The following ARHGAP24 variants were observed in gnomAD, a reference collection of about 807,000 sequenced individuals.
The protein encoded by ARHGAP24 is rho GTPase-activating protein 24.
A neutral mutation model predicts 76.4 loss-of-function variants in ARHGAP24; 50 were observed. That is an observed-to-expected ratio of 0.65 (90% CI 0.52 to 0.83). The LOEUF is 0.83. Ranked by LOEUF, ARHGAP24 falls within the 40% of genes least tolerant of loss-of-function variation. The pLI, the probability that ARHGAP24 is intolerant of heterozygous loss-of-function variation, is 0.00. For missense variants in ARHGAP24, 930 were observed against 914.2 expected, an observed-to-expected ratio of 1.02 and a Z score of -0.22; for synonymous variants, 345 against 323.3, an observed-to-expected ratio of 1.07 and a Z score of -0.72.
intron 5 of ARHGAP24, among the ~76,000 whole-genome samples, chr4:85,954,614 GC>G (rs1578428022): frequency 6.6e-6 from 1 of 152,196 alleles, no homozygotes; most frequent in African/African-American, 2.4e-5. Flanking sequence ...GAAGATCCTT[GC>G]TTGTTTTAAT....
chr4:85,642,665 C>T (rs543903760), intron 2 of ARHGAP24, among the ~76,000 whole-genome samples: 2 of 151,588 alleles, frequency 1.3e-5, no homozygotes, highest in South Asian at 4.1e-4. Context: ...ATTTCTTACA[C>T]TTCTACTGCT....
rs766242939 is a variant in ARHGAP24 at position 85,995,502 on chromosome 4, G to A, written c.1848G>A (p.Val616=). Residue 616 remains valine, a synonymous_variant, in exon 9 of 10, where the codon GTG becomes GTA. Coordinates refer to ENST00000395184, the MANE Select transcript of ARHGAP24 (RefSeq NM_001025616.3). The stretch of plus-strand genomic sequence containing the variant: ...AAAGCAAAAGTGACCACAGGAGTGT[G>A]GGAGGTCGAAGTAGTCGTGCCACCA... ...DYESKSDHRS[V]GGRSSRATSS... is the part of the protein sequence containing the mutation. 2.5e-6 allele frequency: 4 copies of A among 1,602,870 alleles called. No homozygotes were observed. In the South Asian group the frequency reaches 4.5e-5, roughly 18 times the overall value.
At chr4:85,595,785 T>C (rs1719806753) in intron 2 of ARHGAP24, among the ~76,000 whole-genome samples, 1 of 152,062 alleles carries the variant, frequency 6.6e-6, no homozygotes, top group African/African-American at 2.4e-5. Flanking sequence ...ATATAAACTA[T>C]ATTCACTTCC....
chr4:85,703,840 A>T lies in ARHGAP24; in HGVS notation c.181-18045A>T, dbSNP rs1464784319. Among the ~76,000 whole-genome samples the T allele has an allele frequency of 2.0e-5, 3 of 152,148 alleles. No homozygotes were observed. The East Asian group carries it at 5.8e-4, about 29-fold the overall frequency. ...TTTAAAGTCAGGTTTATTGAGGTAT[A>T]ATTTACATAGAGTTATGTAATCACC... On this transcript the variant is annotated intron_variant, in intron 2 of 9. Transcript: ENST00000395184.
At position 85,576,612 on chromosome 4, in the gene ARHGAP24, A is replaced by G. The variant is rs1455585177; in HGVS notation, c.180+5891A>G. Among the ~76,000 whole-genome samples, 4 of 152,058 alleles carry G rather than the reference A, an allele frequency of 2.6e-5. No individual in the cohort carries two copies. The East Asian group carries it at 5.8e-4, about 22-fold the overall frequency. Reference sequence around the variant, plus strand: ...GATATCATCCTCAAATCTAAAACTAACTTTCTGTGTAGCATCTGATTCTTT... The same window carrying G: ...GATATCATCCTCAAATCTAAAACTAGCTTTCTGTGTAGCATCTGATTCTTT... On this transcript the variant is annotated intron_variant, in intron 2 of 9. Coordinates refer to ENST00000395184, the MANE Select transcript of ARHGAP24 (RefSeq NM_001025616.3).
intron 3 of ARHGAP24, among the ~76,000 whole-genome samples, chr4:85,877,363 T>G (rs2665870): frequency 0.88 from 133,493 of 152,186 alleles, 58,626 homozygotes; most frequent in East Asian, 0.99. Context: ...AGCAGCTCAC[T>G]CCTGTAATCA....
At chr4:85,479,730 A>G (rs994305574) in intron 1 of ARHGAP24, among the ~76,000 whole-genome samples, 5 of 152,180 alleles carry the variant, frequency 3.3e-5, no homozygotes, top group African/African-American at 1.2e-4. Flanking sequence ...CCTGAAAAAA[A>G]TTCTTTGTCT....
At chr4:85,743,849 C>G (rs1725926321) in intron 3 of ARHGAP24, among the ~76,000 whole-genome samples, 1 of 152,086 alleles carries the variant, frequency 6.6e-6, no homozygotes, top group Non-Finnish European at 1.5e-5. Context: ...TTACAAATGG[C>G]ACTACTTTAT....
intron 3 of ARHGAP24, among the ~76,000 whole-genome samples, chr4:85,840,882 A>T (rs1730560509): frequency 6.6e-6 from 1 of 152,230 alleles, no homozygotes; most frequent in Non-Finnish European, 1.5e-5. Context: ...TTACTAATTT[A>T]TCAGACGTGA....
chr4:85,477,855 C>CTG (rs1722662411), intron 1 of ARHGAP24, among the ~76,000 whole-genome samples: 1 of 152,182 alleles, frequency 6.6e-6, no homozygotes, highest in Admixed American at 6.5e-5. Flanking sequence ...CGTTTGTTTC[C>CTG]TGTTCTTAGT....
Position 85,956,415 on chromosome 4 carries a change from G to C in ARHGAP24, c.599+14142G>C, listed in dbSNP as rs1737904581. 2.0e-5 allele frequency among the ~76,000 whole-genome samples: 3 copies of C among 152,194 alleles called. No individual in the cohort carries two copies. The South Asian group carries it at 6.2e-4, about 32-fold the overall frequency. The stretch of plus-strand genomic sequence containing the variant: ...ATTCACATACTACCCTTGTTACCCG[G>C]GGGTTCTTGCTCCCAGAGCTCCCAA... On this transcript the variant is annotated intron_variant, in intron 5 of 9. Transcript: ENST00000395184.
chr4:85,530,265 A>G (rs1322281018), intron 1 of ARHGAP24, among the ~76,000 whole-genome samples: 2 of 152,026 alleles, frequency 1.3e-5, no homozygotes, highest in African/African-American at 4.8e-5. Flanking sequence ...ACAAATATAT[A>G]CTTCACTTTC....
chr4:85,528,724 G>T (rs1725127221), intron 1 of ARHGAP24, among the ~76,000 whole-genome samples: 2 of 152,000 alleles, frequency 1.3e-5, no homozygotes, highest in Admixed American at 1.3e-4. Flanking sequence ...TCTGTCTTTT[G>T]CATATACATG....
intron 3 of ARHGAP24, among the ~76,000 whole-genome samples, chr4:85,771,970 A>G (rs1210581210): frequency 6.6e-6 from 1 of 152,206 alleles, no homozygotes; most frequent in Non-Finnish European, 1.5e-5. Flanking sequence ...TGGCCTGCCA[A>G]AGTGCTGGGA....
chr4:85,726,162 TG>T (rs1013663463), intron 3 of ARHGAP24, among the ~76,000 whole-genome samples: 5 of 151,760 alleles, frequency 3.3e-5, no homozygotes, highest in Non-Finnish European at 2.9e-5. Flanking sequence ...TCAGTAAACC[TG>T]GCAGAGAAGT....
At chr4:85,999,657 A>C (rs1332474765) in intron 9 of ARHGAP24, among the ~76,000 whole-genome samples, 2 of 152,206 alleles carry the variant, frequency 1.3e-5, no homozygotes, top group Non-Finnish European at 2.9e-5. Flanking sequence ...TGTAACTTTA[A>C]TACCCCTCTT....
chr4:85,877,214 A>G (rs541108190), intron 3 of ARHGAP24, among the ~76,000 whole-genome samples: 2 of 152,126 alleles, frequency 1.3e-5, no homozygotes, highest in South Asian at 2.1e-4. Flanking sequence ...GTTTTGTTCA[A>G]TTTTCATTCA....
At chr4:85,844,207 T>C (rs1395032114) in intron 3 of ARHGAP24, among the ~76,000 whole-genome samples, 1 of 152,168 alleles carries the variant, frequency 6.6e-6, no homozygotes, top group South Asian at 2.1e-4. Flanking sequence ...TTTAGGAATT[T>C]AGGAGGAAGA....
intron 3 of ARHGAP24, among the ~76,000 whole-genome samples, chr4:85,869,349 A>C (rs1220031535): frequency 6.6e-6 from 1 of 152,096 alleles, no homozygotes; most frequent in Non-Finnish European, 1.5e-5. Context: ...AGTGTCTGTC[A>C]CTCTAAGAAT....
Sources: gnomAD v4.1 joint callset for allele counts (sites outside exome capture counted in the v4.1 genomes callset) on GRCh38, gnomAD v4.1.1 for gene constraint, MANE v1.5 for transcripts, NCBI Gene and HGNC (gene_info 2026-07-23, HGNC 2026-07-21) for gene names.